The following TMEM132E variants were observed in gnomAD, a reference collection of about 807,000 sequenced individuals.
TMEM132E encodes transmembrane protein 132E.
Under a neutral mutation model 78.5 loss-of-function variants are expected in TMEM132E, and 49 were observed. That is an observed-to-expected ratio of 0.62 (90% CI 0.50 to 0.79). The LOEUF (loss-of-function observed/expected upper bound fraction) is 0.79, where lower values mean the gene tolerates loss of function less well. Ranked by LOEUF, TMEM132E falls within the 30% of genes least tolerant of loss-of-function variation. The pLI, the probability that TMEM132E is intolerant of heterozygous loss-of-function variation, is 0.00. For missense variants in TMEM132E, 1,403 were observed against 1,470.9 expected (o/e 0.95, Z 0.75); for synonymous variants, 715 against 670.6 (o/e 1.07, Z -1.02).
rs760107973 is a variant in TMEM132E, at chr17:34,626,262, T to TCGCCAACAGCTCTCTGCAGCGCTC, written c.206_229dup (p.Ala69_Ser76dup). 3 of 1,603,680 alleles carry TCGCCAACAGCTCTCTGCAGCGCTC rather than the reference T, an allele frequency of 1.9e-6. No individual in the cohort carries two copies. In the East Asian group the frequency reaches 6.8e-5, roughly 36 times the overall value. On this transcript the variant is annotated inframe_insertion, in exon 2 of 9. Coordinates refer to ENST00000631683, the MANE Select transcript of TMEM132E (RefSeq NM_001304438.2). ...GAGGCGCGGCCCCCGTCACCCGCGGTCGCCAACAGCTCTCTGCAGCGCTCC... is the reference window on the plus strand; with the variant it reads ...GAGGCGCGGCCCCCGTCACCCGCGGTCGCCAACAGCTCTCTGCAGCGCTCCGCCAACAGCTCTCTGCAGCGCTCC...
chr17:34,615,935 G>A (rs919543822), intron 1 of TMEM132E, among the ~76,000 whole-genome samples: 4 of 152,210 alleles, frequency 2.6e-5, no homozygotes, highest in Admixed American at 6.5e-5. Context: ...TATAACATAG[G>A]CATTTTGTTA....
intron 6 of TMEM132E, among the ~76,000 whole-genome samples, chr17:34,634,464 T>G (rs1279486388): frequency 6.6e-6 from 1 of 152,232 alleles, no homozygotes; most frequent in East Asian, 1.9e-4. Context: ...TGCTCCAGGT[T>G]AGAGCTTAGA....
At chr17:34,593,250 A>AT (rs1359444674) in intron 1 of TMEM132E, among the ~76,000 whole-genome samples, 2 of 151,862 alleles carry the variant, frequency 1.3e-5, no homozygotes, top group African/African-American at 4.8e-5. Context: ...CTACATTAAA[A>AT]AAAAATTATA....
At chr17:34,581,200 T>C (rs1027389906) in intron 1 of TMEM132E, 57 bp downstream of exon 1, 6 of 1,431,630 alleles carry the variant, frequency 4.2e-6, no homozygotes, top group Admixed American at 4.8e-5. Context: ...CTGGAGGGGG[T>C]ACGGGGAAGA....
chr17:34,586,413 C>T (rs117949329), intron 1 of TMEM132E, among the ~76,000 whole-genome samples: 4 of 152,056 alleles, frequency 2.6e-5, no homozygotes, highest in African/African-American at 9.7e-5. Flanking sequence ...CTCCAGCAGT[C>T]CCCAAGGATG....
rs1357702708 is a variant in TMEM132E, at chr17:34,579,647, C to G, written c.-1430C>G. The stretch of plus-strand genomic sequence containing the variant: ...GCGGCGACGGCGGCGGCGGCTGCTT[C>G]GTGCAACTGTGGCTTCCCCCACCTC... On this transcript the variant is annotated 5_prime_UTR_variant, in exon 1 of 9. Coordinates refer to ENST00000631683, the MANE Select transcript of TMEM132E (RefSeq NM_001304438.2). The G allele has an allele frequency of 3.1e-5, 5 of 160,014 alleles. No individual in the cohort carries two copies. Among genetic ancestry groups the G allele is most frequent in the Admixed American group, 6.2e-5 (1 of 16,200 alleles). 9.9% of individuals were successfully genotyped at this position (160,014 alleles called of 1,614,324 possible). A position where few individuals can be genotyped will look rare whatever the true frequency, so the allele number is the denominator to read the frequency against.
At chr17:34,585,802 G>T in intron 1 of TMEM132E, among the ~76,000 whole-genome samples, 1 of 152,314 alleles carries the variant, frequency 6.6e-6, no homozygotes, top group African/African-American at 2.4e-5. Context: ...AGAAATGTGA[G>T]GGATTCCAGA....
At chr17:34,601,527 G>A (rs1472971156) in intron 1 of TMEM132E, among the ~76,000 whole-genome samples, 2 of 152,218 alleles carry the variant, frequency 1.3e-5, no homozygotes, top group African/African-American at 4.8e-5. Context: ...TCCAGAGAGG[G>A]GGCAATTCAC....
chr17:34,637,561 C>G lies in TMEM132E; in HGVS notation c.2554C>G (p.Pro852Ala), dbSNP rs754191165. 8.8e-6 allele frequency: 14 copies of G among 1,599,684 alleles called. No homozygotes were observed. The highest frequency in any genetic ancestry group is 1.1e-5 in the South Asian group (1 of 90,224). The change falls in exon 9 of 9, where the codon CCG becomes GCG. Residue 852 changes from proline to alanine, a missense_variant. Pro to Ala is a conservative substitution (Grantham distance 27). Coordinates refer to ENST00000631683, the MANE Select transcript of TMEM132E (RefSeq NM_001304438.2). Reference sequence around the variant, plus strand: ...CCCGCCGGGCTCTGCGCTACCCGCACCGGAGGCTCCAGGCCCGGGCACCGC... The same window carrying G: ...CCCGCCGGGCTCTGCGCTACCCGCAGCGGAGGCTCCAGGCCCGGGCACCGC... ...AGPPGSALPA[P>A]EAPGPGTASP... is the part of the protein sequence containing the mutation.
rs1305798577 is a variant in TMEM132E at position 34,638,494 on chromosome 17, G to A, written c.*262G>A. 2 of 426,068 alleles carry A rather than the reference G, an allele frequency of 4.7e-6. No individual in the cohort carries two copies. The allele number at this position is 426,068 out of a possible 1,614,324, so 26.4% of individuals were successfully genotyped here. On this transcript the variant is annotated 3_prime_UTR_variant, in exon 9 of 9. Transcript: ENST00000631683. ...AAGGAGGAAAGCAACCCCAGCCTCT[G>A]TTCTGCCCTTTCCAAACCTCCTCCC...
intron 1 of TMEM132E, among the ~76,000 whole-genome samples, chr17:34,592,715 T>C (rs776200849): frequency 6.6e-6 from 1 of 152,256 alleles, no homozygotes; most frequent in Non-Finnish European, 1.5e-5. Context: ...CGCCTGACAC[T>C]GTCAGTGCTC....
intron 1 of TMEM132E, among the ~76,000 whole-genome samples, chr17:34,596,269 TA>T (rs547771614): frequency 2.6e-4 from 40 of 152,352 alleles, no homozygotes; most frequent in African/African-American, 8.9e-4. Context: ...TAAAAATGGC[TA>T]AACATCTTAC....
At chr17:34,593,489 C>G (rs1905950828) in intron 1 of TMEM132E, among the ~76,000 whole-genome samples, 1 of 152,186 alleles carries the variant, frequency 6.6e-6, no homozygotes. Flanking sequence ...CTTATCCATA[C>G]CCAGTTCTCC....
intron 1 of TMEM132E, among the ~76,000 whole-genome samples, chr17:34,603,420 T>C (rs73988733): frequency 0.087 from 13,170 of 152,090 alleles, 1,691 homozygotes; most frequent in African/African-American, 0.27. Flanking sequence ...GCACCCTGTA[T>C]AGTCGTGTTC....
intron 1 of TMEM132E, among the ~76,000 whole-genome samples, chr17:34,620,120 G>A (rs73284087): frequency 2.6e-5 from 4 of 152,292 alleles, no homozygotes; most frequent in South Asian, 2.1e-4. Flanking sequence ...TAGCCTGCCC[G>A]GCCCTAGCTT....
intron 1 of TMEM132E, among the ~76,000 whole-genome samples, chr17:34,591,411 C>A (rs992724323): frequency 1.3e-5 from 2 of 151,706 alleles, no homozygotes; most frequent in African/African-American, 4.8e-5. Flanking sequence ...CTCAAACAAT[C>A]CTCCCACCTC....
intron 1 of TMEM132E, among the ~76,000 whole-genome samples, chr17:34,621,830 G>A (rs1355596445): frequency 1.3e-5 from 2 of 152,142 alleles, no homozygotes; most frequent in African/African-American, 4.8e-5. Flanking sequence ...GTGTGTGTGT[G>A]TGTGTGTGTC....
At chr17:34,634,366 C>T (rs1907447694) in intron 6 of TMEM132E, among the ~76,000 whole-genome samples, 1 of 152,224 alleles carries the variant, frequency 6.6e-6, no homozygotes, top group Admixed American at 6.5e-5. Flanking sequence ...TGTCCGAGTT[C>T]ATCACCTACA....
At chr17:34,589,630 C>G (rs1237781591) in intron 1 of TMEM132E, among the ~76,000 whole-genome samples, 3 of 152,122 alleles carry the variant, frequency 2.0e-5, no homozygotes, top group Non-Finnish European at 4.4e-5. Flanking sequence ...AAGTCAACTT[C>G]TTCTGAGTCC....
Sources: gnomAD v4.1 joint callset for allele counts (sites outside exome capture counted in the v4.1 genomes callset) on GRCh38, gnomAD v4.1.1 for gene constraint, MANE v1.5 for transcripts, NCBI Gene and HGNC (gene_info 2026-07-23, HGNC 2026-07-21) for gene names.